Variants in FZD6 observed in about 807,000 individuals in gnomAD.
The protein encoded by FZD6 is frizzled-6.
In FZD6, 49 loss-of-function variants were observed where a neutral mutation model predicts 61.4. The observed-to-expected ratio is 0.80, with a 90% CI of 0.63 to 1.01. The LOEUF is 1.01. Among genes scored for constraint, FZD6 ranks in the 50% least tolerant of loss-of-function variants. The pLI, the probability that FZD6 is intolerant of heterozygous loss-of-function variation, is 0.00. For synonymous variants in FZD6, 265 were observed against 292.2 expected, an observed-to-expected ratio of 0.91 and a Z score of 0.95; for missense variants, 724 against 848.2, an observed-to-expected ratio of 0.85 and a Z score of 1.82.
rs975058915 is a variant in FZD6 at position 103,308,292 on chromosome 8, T to C, written c.177+8008T>C. On this transcript the variant is annotated intron_variant, in intron 2 of 6. Coordinates refer to ENST00000358755, the MANE Select transcript of FZD6 (RefSeq NM_003506.4). ...GCAAAAAAAATTTTTTTTGAGATTA[T>C]AGGCCCATTTTGGAGAAGTCCAGTC... Among the ~76,000 whole-genome samples the C allele has an allele frequency of 3.9e-5, 6 of 152,300 alleles. No individual in the cohort carries two copies. In the South Asian group the frequency reaches 6.2e-4, roughly 16 times the overall value.
intron 2 of FZD6, among the ~76,000 whole-genome samples, chr8:103,313,791 T>C (rs1015936535): frequency 6.7e-6 from 1 of 149,962 alleles, no homozygotes; most frequent in African/African-American, 2.5e-5. Flanking sequence ...TGTGTGTGTG[T>C]GTGTGTGTGT....
At chr8:103,328,592 G>T (rs575912205) in intron 5 of FZD6, among the ~76,000 whole-genome samples, 176 bp downstream of exon 5, 1 of 151,610 alleles carries the variant, frequency 6.6e-6, no homozygotes, top group South Asian at 2.1e-4. Context: ...TTTTGCATTT[G>T]TTACAATAGT....
chr8:103,318,334 AT>A (rs987968523), intron 2 of FZD6, among the ~76,000 whole-genome samples: 1 of 152,182 alleles, frequency 6.6e-6, no homozygotes, highest in Non-Finnish European at 1.5e-5. Flanking sequence ...TTACCATCAG[AT>A]TTGACAATGT....
intron 3 of FZD6, among the ~76,000 whole-genome samples, chr8:103,323,388 A>G (rs1469977896): frequency 1.3e-5 from 2 of 151,530 alleles, no homozygotes; most frequent in East Asian, 1.9e-4. Flanking sequence ...GTCTGTTCTT[A>G]TCTAAGGTAT....
intron 4 of FZD6, among the ~76,000 whole-genome samples, chr8:103,327,308 G>A (rs910027501): frequency 6.6e-6 from 1 of 152,220 alleles, no homozygotes; most frequent in African/African-American, 2.4e-5. Flanking sequence ...AGAATAAAGA[G>A]CTCTGGCCGG....
chr8:103,314,888 A>C (rs1305116317), intron 2 of FZD6, among the ~76,000 whole-genome samples: 1 of 152,148 alleles, frequency 6.6e-6, no homozygotes, highest in African/African-American at 2.4e-5. Flanking sequence ...GGCTATTTTT[A>C]AGGTGTATAC....
At chr8:103,299,536 G>A (rs1814089577) in intron 1 of FZD6, among the ~76,000 whole-genome samples, 1 of 152,224 alleles carries the variant, frequency 6.6e-6, no homozygotes, top group Admixed American at 6.5e-5. Flanking sequence ...ACTCTTCAGA[G>A]TCTTTTACAA....
At chr8:103,313,760 C>CTG (rs58157848) in intron 2 of FZD6, among the ~76,000 whole-genome samples, 5,376 of 142,752 alleles carry the variant, frequency 0.038, 111 homozygotes, top group African/African-American at 0.05. Flanking sequence ...CTTGATTTTT[C>CTG]TGTGTGTGTG....
At chr8:103,312,641 A>G (rs1178821062) in intron 2 of FZD6, among the ~76,000 whole-genome samples, 2 of 152,214 alleles carry the variant, frequency 1.3e-5, no homozygotes, top group African/African-American at 2.4e-5. Flanking sequence ...GAAGAACATA[A>G]AACATTTCAA....
At chr8:103,328,548 T>C (rs1815023515) in intron 5 of FZD6, 132 bp downstream of exon 5, 5 of 760,572 alleles carry the variant, frequency 6.6e-6, no homozygotes, top group Admixed American at 5.4e-5. Flanking sequence ...AACTGAAGTT[T>C]GGAAATTTTT....
chr8:103,303,229 T>G (rs990334311), intron 2 of FZD6, among the ~76,000 whole-genome samples: 1 of 152,178 alleles, frequency 6.6e-6, no homozygotes, highest in Non-Finnish European at 1.5e-5. Context: ...CTGACCTATT[T>G]GGAGAATTCA....
intron 2 of FZD6, among the ~76,000 whole-genome samples, chr8:103,308,892 A>G (rs1170695429): frequency 1.3e-5 from 2 of 152,146 alleles, no homozygotes; most frequent in Admixed American, 1.3e-4. Flanking sequence ...TGTAGGGTTA[A>G]TCTCCTCATC....
Position 103,329,785 on chromosome 8 carries a change from A to C in FZD6, c.1672A>C (p.Met558Leu). The stretch of plus-strand genomic sequence containing the variant: ...CAAGCTGAAGGTCATTTCCAAATCC[A>C]TGGGAACCAGCACAGGAGCTACAGC... ...SHKLKVISKS[M>L]GTSTGATANH... Residue 558 changes from methionine (M) to leucine (L), a missense_variant, in exon 6 of 7, where the codon ATG becomes CTG. Physicochemically the swap from Met to Leu is conservative, Grantham distance 15. Transcript: ENST00000358755. 1 of 1,614,178 alleles carries C rather than the reference A, an allele frequency of 6.2e-7. No homozygotes were observed. Among genetic ancestry groups the C allele is most frequent in the East Asian group, 2.2e-5 (1 of 44,890 alleles).
intron 3 of FZD6, among the ~76,000 whole-genome samples, chr8:103,321,772 G>A (rs1814794982): frequency 6.6e-6 from 1 of 152,122 alleles, no homozygotes; most frequent in Admixed American, 6.5e-5. Context: ...TTCAGTTCCG[G>A]CTCCAGCCAT....
chr8:103,329,013 T>TTATATATA (rs55730772), intron 5 of FZD6, among the ~76,000 whole-genome samples: 23,742 of 115,056 alleles, frequency 0.21, 2,991 homozygotes, highest in Middle Eastern at 0.33. Context: ...CATTTTAGTT[T>TTATATATA]TATATATATA....
intron 2 of FZD6, among the ~76,000 whole-genome samples, chr8:103,314,446 G>A (rs957894249): frequency 5.9e-5 from 9 of 152,118 alleles, no homozygotes; most frequent in African/African-American, 2.2e-4. Flanking sequence ...AGGAGGATTT[G>A]CACACTGTCT....
chr8:103,299,941 C>G lies in FZD6; in HGVS notation c.-152-15C>G, dbSNP rs766063780. On this transcript the variant is annotated splice_polypyrimidine_tract_variant and intron_variant, in intron 1 of 6. Coordinates refer to ENST00000358755, the MANE Select transcript of FZD6 (RefSeq NM_003506.4). Reference sequence around the variant, plus strand: ...TGACAAATGTTGCTGATACACCCTCCTTTTGTTTTTACAGTAATTGACCCA... The same window carrying G: ...TGACAAATGTTGCTGATACACCCTCGTTTTGTTTTTACAGTAATTGACCCA... 3.9e-4 allele frequency: 234 copies of G among 599,184 alleles called. 1 individual carries two copies. Among genetic ancestry groups the G allele is most frequent in the South Asian group, 3.1e-4 (16 of 52,134 alleles). The allele number at this position is 599,184 out of a possible 1,614,324, so 37.1% of individuals were successfully genotyped here.
At chr8:103,318,895 A>T (rs563928254) in intron 3 of FZD6, 109 bp downstream of exon 3, 44 of 748,192 alleles carry the variant, frequency 5.9e-5, no homozygotes, top group Admixed American at 4.7e-4. Flanking sequence ...AATGTTTATT[A>T]CACACTTAAT....
chr8:103,307,753 T>C (rs983510276), intron 2 of FZD6: 3 of 455,672 alleles, frequency 6.6e-6, no homozygotes, highest in Admixed American at 2.4e-5. Flanking sequence ...CATCTTAGGG[T>C]ACCCAGACTG....
Sources: allele counts gnomAD v4.1 joint callset (sites outside exome capture counted in the v4.1 genomes callset), GRCh38; gene constraint gnomAD v4.1.1; transcripts MANE v1.5; gene names NCBI Gene and HGNC (gene_info 2026-07-23, HGNC 2026-07-21).